GABRG3: variants seen among roughly 807,000 people sequenced by gnomAD.
GABRG3 encodes the protein gamma-aminobutyric acid type A receptor subunit gamma3, also known as gamma-aminobutyric acid receptor subunit gamma-3.
GABRG3 carries 25 observed loss-of-function variants against 48.8 expected under a neutral mutation model. That is an observed-to-expected ratio of 0.51 (90% CI 0.37 to 0.72). GABRG3 has a LOEUF of 0.72. GABRG3 is among the 30% of genes least tolerant of loss of function. The pLI, the probability that GABRG3 is intolerant of heterozygous loss-of-function variation, is 0.00. For missense variants in GABRG3, 394 were observed against 577.9 expected (o/e 0.68, Z 3.26); for synonymous variants, 227 against 217.6 (o/e 1.04, Z -0.38).
chr15:27,241,813 T>A (rs1890136007), intron 3 of GABRG3, among the ~76,000 whole-genome samples: 1 of 152,240 alleles, frequency 6.6e-6, no homozygotes, highest in Non-Finnish European at 1.5e-5. Context: ...CATATGACAT[T>A]ATTGACTTTG....
At chr15:27,062,454 A>AAAAAAAAAAAAAAAAAAAAAAAAAC (rs1896665531) in intron 3 of GABRG3, among the ~76,000 whole-genome samples, 1 of 142,372 alleles carries the variant, frequency 7.0e-6, no homozygotes, top group Non-Finnish European at 1.6e-5. Flanking sequence ...AAAAAAAAAA[A>AAAAAAAAAAAAAAAAAAAAAAAAAC]AAAATTAGCC....
intron 2 of GABRG3, among the ~76,000 whole-genome samples, chr15:26,992,494 C>T (rs1201532292): frequency 6.6e-6 from 1 of 151,944 alleles, no homozygotes; most frequent in African/African-American, 2.4e-5. Context: ...TGTTTTTTGT[C>T]CTTTGTTCTG....
At chr15:27,389,047 T>C (rs1896141447) in intron 5 of GABRG3, among the ~76,000 whole-genome samples, 1 of 152,208 alleles carries the variant, frequency 6.6e-6, no homozygotes, top group African/African-American at 2.4e-5. Flanking sequence ...ATGTTCCTGC[T>C]GAACAGAGCA....
At chr15:27,452,415 A>G (rs554657205) in intron 5 of GABRG3, among the ~76,000 whole-genome samples, 43 of 152,300 alleles carry the variant, frequency 2.8e-4, no homozygotes, top group African/African-American at 9.4e-4. Flanking sequence ...GTGGGGGCCA[A>G]TACCCCCACA....
intron 4 of GABRG3, among the ~76,000 whole-genome samples, chr15:27,328,054 T>A (rs1893675027): frequency 6.7e-6 from 1 of 149,974 alleles, no homozygotes; most frequent in African/African-American, 2.5e-5. Context: ...GAGACAGCAT[T>A]AAAGTTTCAG....
intron 3 of GABRG3, among the ~76,000 whole-genome samples, chr15:27,040,986 G>C (rs1026080868): frequency 8.5e-5 from 13 of 152,132 alleles, no homozygotes; most frequent in African/African-American, 3.1e-4. Context: ...CTCGTGCGGG[G>C]AGAAACCTCT....
intron 3 of GABRG3, among the ~76,000 whole-genome samples, chr15:27,032,898 A>G (rs1447849815): frequency 6.6e-6 from 1 of 152,164 alleles, no homozygotes; most frequent in African/African-American, 2.4e-5. Context: ...CAGAGGCTCC[A>G]CTGGACTCTG....
At chr15:27,172,885 G>A (rs560047084) in intron 3 of GABRG3, among the ~76,000 whole-genome samples, 1 of 152,294 alleles carries the variant, frequency 6.6e-6, no homozygotes, top group East Asian at 1.9e-4. Flanking sequence ...TCACCTGGAA[G>A]GAGGGAGCTC....
intron 3 of GABRG3, among the ~76,000 whole-genome samples, chr15:27,240,385 C>T (rs1246248896): frequency 1.3e-5 from 2 of 152,050 alleles, no homozygotes; most frequent in Non-Finnish European, 1.5e-5. Context: ...CCTTGCTTGC[C>T]GACTCAGTGA....
chr15:27,355,771 A>G lies in GABRG3; in HGVS notation c.574+26883A>G, dbSNP rs139490489. On this transcript the variant is annotated intron_variant, in intron 5 of 9. Transcript: ENST00000615808. ...AAATAGAATGTGGTCTGGACATACA[A>G]TGAATATTCTTCAGCCTTAAAATGG... 5.2e-3 allele frequency among the ~76,000 whole-genome samples: 794 copies of G among 152,360 alleles called. 5 individuals are homozygous for G. Among genetic ancestry groups the G allele is most frequent in the African/African-American group, 0.018 (749 of 41,584 alleles).
At chr15:27,348,088 G>A (rs374723288) in intron 5 of GABRG3, among the ~76,000 whole-genome samples, 2 of 143,822 alleles carry the variant, frequency 1.4e-5, no homozygotes, top group African/African-American at 2.6e-5. Context: ...TTCTGGAGGC[G>A]GAGGTCACAG....
intron 3 of GABRG3, among the ~76,000 whole-genome samples, chr15:27,267,999 T>C (rs578076584): frequency 2.0e-5 from 3 of 152,286 alleles, no homozygotes; most frequent in African/African-American, 7.2e-5. Flanking sequence ...TCTGTAGTTT[T>C]CTTTTCTTGC....
At chr15:27,299,562 C>T (rs750046909) in intron 3 of GABRG3, among the ~76,000 whole-genome samples, 10 of 152,092 alleles carry the variant, frequency 6.6e-5, no homozygotes, top group Non-Finnish European at 1.3e-4. Context: ...GGAGTTGGAA[C>T]CGAACACTCC....
intron 3 of GABRG3, among the ~76,000 whole-genome samples, chr15:27,097,372 A>G (rs894510340): frequency 3.9e-5 from 6 of 152,270 alleles, no homozygotes; most frequent in African/African-American, 1.4e-4. Flanking sequence ...TTAGGAAGAA[A>G]GAGTATCTTC....
Position 27,424,001 on chromosome 15 carries a change from C to A in GABRG3, c.575-56649C>A, listed in dbSNP as rs376456632. 3.4e-4 allele frequency among the ~76,000 whole-genome samples: 51 copies of A among 152,184 alleles called. No individual in the cohort carries two copies. The South Asian group carries it at 8.3e-3, about 25-fold the overall frequency. The stretch of plus-strand genomic sequence containing the variant: ...ACACAGACAATAAATGTCAGTAGTG[C>A]TCAACTTACTATGCTAGTATATTCT... On this transcript the variant is annotated intron_variant, in intron 5 of 9. Coordinates refer to ENST00000615808, the MANE Select transcript of GABRG3 (RefSeq NM_033223.5).
At chr15:27,405,823 C>T (rs1367352227) in intron 5 of GABRG3, among the ~76,000 whole-genome samples, 1 of 150,608 alleles carries the variant, frequency 6.6e-6, no homozygotes, top group Non-Finnish European at 1.5e-5. Context: ...AACTGGGACT[C>T]CTTTAAGAAA....
At chr15:27,032,947 A>G (rs1896111170) in intron 3 of GABRG3, among the ~76,000 whole-genome samples, 2 of 152,172 alleles carry the variant, frequency 1.3e-5, no homozygotes, top group African/African-American at 4.8e-5. Flanking sequence ...AGAGGTCCCA[A>G]CTGAGGGCCT....
At position 27,425,337 on chromosome 15, in the gene GABRG3, T is replaced by C. The variant is rs376666900; in HGVS notation, c.575-55313T>C. Among the ~76,000 whole-genome samples the C allele has an allele frequency of 1.1e-4, 17 of 151,614 alleles. 1 individual carries two copies. In the East Asian group the frequency reaches 2.3e-3, roughly 21 times the overall value. On this transcript the variant is annotated intron_variant, in intron 5 of 9. Coordinates refer to ENST00000615808, the MANE Select transcript of GABRG3 (RefSeq NM_033223.5). ...TTTTGGGGATCCCTGACCTTGCAGT[T>C]AGTGTCAGAAGTGATGGTGGCCACT... is the stretch of plus-strand genomic sequence containing the variant.
Position 27,442,816 on chromosome 15 carries a change from A to C in GABRG3, c.575-37834A>C, listed in dbSNP as rs977666828. Reference sequence around the variant, plus strand: ...TTATATTTCAGAGGAATAGAGAAAAATAGTCCATACATACAATCATTTTCT... The same window carrying C: ...TTATATTTCAGAGGAATAGAGAAAACTAGTCCATACATACAATCATTTTCT... On this transcript the variant is annotated intron_variant, in intron 5 of 9. Coordinates refer to ENST00000615808, the MANE Select transcript of GABRG3 (RefSeq NM_033223.5). Among the ~76,000 whole-genome samples the C allele has an allele frequency of 3.9e-5, 6 of 152,328 alleles. No homozygotes were observed. In the East Asian group the frequency reaches 1.2e-3, roughly 29 times the overall value.
Sources: allele counts gnomAD v4.1 joint callset (sites outside exome capture counted in the v4.1 genomes callset), GRCh38; gene constraint gnomAD v4.1.1; transcripts MANE v1.5; gene names NCBI Gene and HGNC (gene_info 2026-07-23, HGNC 2026-07-21).